The following ZZZ3 variants were observed in gnomAD, a reference collection of about 807,000 sequenced individuals.
ZZZ3 encodes ZZ-type zinc finger-containing protein 3.
Under a neutral mutation model 95.2 loss-of-function variants are expected in ZZZ3, and 22 were observed. The ratio of observed to expected loss-of-function variants is 0.23; its 90% CI spans 0.17 to 0.33. The LOEUF is 0.33. Ranked by LOEUF, ZZZ3 falls within the 10% of genes least tolerant of loss-of-function variation. The probability of loss-of-function intolerance (pLI) is 1.00; values close to 1 mark genes in which losing one functional copy is unlikely to be tolerated. For missense variants in ZZZ3, 885 were observed against 1,066.5 expected (o/e 0.83, Z 2.37); for synonymous variants, 335 against 358.9 (o/e 0.93, Z 0.75).
At chr1:77,672,769 A>G (rs1424686728) in intron 1 of ZZZ3, among the ~76,000 whole-genome samples, 24 of 152,234 alleles carry the variant, frequency 1.6e-4, no homozygotes, top group Admixed American at 1.6e-3. Flanking sequence ...AAATGCTCTG[A>G]CTAGTTCACT....
At chr1:77,628,173 T>C (rs1407415378) in intron 5 of ZZZ3, among the ~76,000 whole-genome samples, 2 of 152,180 alleles carry the variant, frequency 1.3e-5, no homozygotes, top group Non-Finnish European at 2.9e-5. Flanking sequence ...GTTAAGTAAA[T>C]AATCTCATTC....
intron 1 of ZZZ3, among the ~76,000 whole-genome samples, chr1:77,674,159 T>A (rs191477306): frequency 1.9e-4 from 29 of 152,284 alleles, no homozygotes; most frequent in Admixed American, 1.3e-4. Context: ...CAAAGAAGGC[T>A]TTTATTTGAT....
At chr1:77,631,689 C>T (rs1306801059) in intron 5 of ZZZ3, among the ~76,000 whole-genome samples, 161 bp downstream of exon 5, 1 of 152,036 alleles carries the variant, frequency 6.6e-6, no homozygotes, top group Admixed American at 6.6e-5. Flanking sequence ...GAGTTTAAGT[C>T]TTTTTTTGGA....
chr1:77,617,877 G>A (rs890757134), intron 5 of ZZZ3, among the ~76,000 whole-genome samples: 4 of 151,970 alleles, frequency 2.6e-5, no homozygotes, highest in South Asian at 2.1e-4. Context: ...CCCAGAAGGC[G>A]GAGGTTGCAG....
intron 5 of ZZZ3, among the ~76,000 whole-genome samples, chr1:77,627,945 TC>T (rs941254650): frequency 1.3e-4 from 20 of 152,196 alleles, no homozygotes; most frequent in Non-Finnish European, 2.9e-4. Flanking sequence ...CAATGATAAT[TC>T]AGAGGCAGCT....
intron 4 of ZZZ3, among the ~76,000 whole-genome samples, chr1:77,634,767 T>C (rs1668145637): frequency 1.3e-5 from 2 of 152,150 alleles, no homozygotes; most frequent in Admixed American, 6.6e-5. Context: ...TTGGGTAAAC[T>C]AGTGATTTGG....
At chr1:77,590,247 G>T (rs776223816) in intron 5 of ZZZ3, among the ~76,000 whole-genome samples, 100 of 152,270 alleles carry the variant, frequency 6.6e-4, no homozygotes, top group Non-Finnish European at 9.7e-4. Context: ...GGTGGTGCAT[G>T]CCTGTAATCT....
chr1:77,576,152 T>G lies in ZZZ3; in HGVS notation c.2247A>C (p.Ser749=). 3.7e-6 allele frequency: 6 copies of G among 1,613,396 alleles called. No homozygotes were observed. Among genetic ancestry groups the G allele is most frequent in the Non-Finnish European group, 5.1e-6 (6 of 1,179,626 alleles). The change falls in exon 12 of 15, where the codon TCA becomes TCC. Residue 749 remains serine, a synonymous_variant. Coordinates refer to ENST00000370801, the MANE Select transcript of ZZZ3 (RefSeq NM_015534.6). ...CATCCATATACACTGGCGGTTCATGTGAAGTCATGAAAGTGGAAGGCTTAA... is the reference window on the plus strand; with the variant it reads ...CATCCATATACACTGGCGGTTCATGGGAAGTCATGAAAGTGGAAGGCTTAA... The part of the protein sequence containing the change: ...HLFKPSTFMT[S]HEPPVYMDED...
chr1:77,662,989 C>T (rs1482369928), intron 1 of ZZZ3, among the ~76,000 whole-genome samples: 1 of 151,982 alleles, frequency 6.6e-6, no homozygotes, highest in Non-Finnish European at 1.5e-5. Flanking sequence ...CCTGTAGTCC[C>T]ACCTATTCGG....
intron 5 of ZZZ3, among the ~76,000 whole-genome samples, chr1:77,594,951 G>A (rs1302722527): frequency 6.7e-6 from 1 of 148,566 alleles, no homozygotes; most frequent in African/African-American, 2.5e-5. Flanking sequence ...AAAAATTGTG[G>A]TCCTCTCAGC....
intron 1 of ZZZ3, among the ~76,000 whole-genome samples, chr1:77,660,162 G>A (rs1570636763): frequency 6.6e-6 from 1 of 152,166 alleles, no homozygotes; most frequent in Non-Finnish European, 1.5e-5. Context: ...GTAAAGAAGA[G>A]TATGCCTCGT....
intron 5 of ZZZ3, among the ~76,000 whole-genome samples, chr1:77,609,807 T>A (rs531938637): frequency 1.8e-4 from 28 of 152,016 alleles, no homozygotes; most frequent in African/African-American, 6.7e-4. Context: ...AATGAAGAAA[T>A]TTAAAAGGAA....
intron 12 of ZZZ3, among the ~76,000 whole-genome samples, chr1:77,571,662 G>A (rs1427539311): frequency 6.6e-6 from 1 of 152,162 alleles, no homozygotes; most frequent in Non-Finnish European, 1.5e-5. Context: ...CATACGCTGG[G>A]TGAAACGAGC....
chr1:77,625,725 C>A (rs974296837), intron 5 of ZZZ3, among the ~76,000 whole-genome samples: 11 of 151,978 alleles, frequency 7.2e-5, no homozygotes, highest in Non-Finnish European at 4.4e-5. Context: ...CATGGTGGCT[C>A]ACACCTGTAA....
chr1:77,675,872 G>A (rs541178250), intron 1 of ZZZ3, among the ~76,000 whole-genome samples: 1 of 152,210 alleles, frequency 6.6e-6, no homozygotes, highest in East Asian at 1.9e-4. Flanking sequence ...AATGCTCTTT[G>A]ACATAGATAC....
At chr1:77,570,092 T>C (rs568009372) in intron 12 of ZZZ3, among the ~76,000 whole-genome samples, 164 of 152,272 alleles carry the variant, frequency 1.1e-3, no homozygotes, top group African/African-American at 3.7e-3. Flanking sequence ...CTAAGTGTTA[T>C]CCTCAGTTTT....
chr1:77,568,474 A>C lies in ZZZ3; in HGVS notation c.2332-8T>G. 21 of 309,606 alleles carry C rather than the reference A, an allele frequency of 6.8e-5. No individual in the cohort carries two copies. Among genetic ancestry groups the C allele is most frequent in the Admixed American group, 1.2e-4 (1 of 8,350 alleles). The allele number at this position is 309,606 out of a possible 1,614,324, so 19.2% of individuals were successfully genotyped here. A position where few individuals can be genotyped will look rare whatever the true frequency, so the allele number is the denominator to read the frequency against. On this transcript the variant is annotated splice_region_variant and splice_polypyrimidine_tract_variant and intron_variant, in intron 12 of 14. Coordinates refer to ENST00000370801, the MANE Select transcript of ZZZ3 (RefSeq NM_015534.6). ...AGGAATACTTTCGTCATCCTATCAA[A>C]AAAAAAAAAAAAAAAAAATGTTGGT...
At chr1:77,664,362 T>C (rs1671078462) in intron 1 of ZZZ3, among the ~76,000 whole-genome samples, 1 of 152,190 alleles carries the variant, frequency 6.6e-6, no homozygotes, top group Non-Finnish European at 1.5e-5. Context: ...AATTCAATGA[T>C]CCATCAGAAT....
intron 12 of ZZZ3, among the ~76,000 whole-genome samples, chr1:77,573,321 C>T: frequency 6.6e-6 from 1 of 150,976 alleles, no homozygotes; most frequent in Non-Finnish European, 1.5e-5. Flanking sequence ...GAGGTTTTAC[C>T]ATGTTGGCCA....
Sources: gnomAD v4.1 joint callset for allele counts (sites outside exome capture counted in the v4.1 genomes callset) on GRCh38, gnomAD v4.1.1 for gene constraint, MANE v1.5 for transcripts, NCBI Gene and HGNC (gene_info 2026-07-23, HGNC 2026-07-21) for gene names.